Variants in SERBP1 observed in about 807,000 individuals in gnomAD.
SERBP1 encodes the protein SERPINE1 mRNA binding protein 1.
Under a neutral mutation model 50.2 loss-of-function variants are expected in SERBP1, and 6 were observed. That is an observed-to-expected ratio of 0.12 (90% CI 0.07 to 0.24). The LOEUF (loss-of-function observed/expected upper bound fraction) is 0.24. SERBP1 is among the 10% of genes least tolerant of loss of function. SERBP1 has a pLI of 1.00. For synonymous variants in SERBP1, 168 were observed against 182.8 expected, an observed-to-expected ratio of 0.92 and a Z score of 0.65; for missense variants, 346 against 524.9, an observed-to-expected ratio of 0.66 and a Z score of 3.33.
Position 67,413,126 on chromosome 1 carries a change from A to G in SERBP1, c.*81T>C, listed in dbSNP as rs1243009466. 1.1e-5 allele frequency: 15 copies of G among 1,410,752 alleles called. No homozygotes were observed. Among genetic ancestry groups the G allele is most frequent in the Admixed American group, 9.2e-5 (3 of 32,636 alleles). The allele number at this position is 1,410,752 out of a possible 1,614,324, so 87.4% of individuals were successfully genotyped here. A position where few individuals can be genotyped will look rare whatever the true frequency, so the allele number is the denominator to read the frequency against. ...ACAGTCTTTTTTTTTTTAATTTCTT[A>G]GTCGTTTGGAATCCTTAAGCATGCA... On this transcript the variant is annotated 3_prime_UTR_variant, in exon 8 of 8. Transcript: ENST00000361219.
chr1:67,413,809 T>G (rs1666919142), intron 7 of SERBP1, among the ~76,000 whole-genome samples: 1 of 151,890 alleles, frequency 6.6e-6, no homozygotes, highest in African/African-American at 2.4e-5. Context: ...GGTTGTTTTC[T>G]TTTTCTCTTT....
At chr1:67,429,935 C>CCCT in intron 1 of SERBP1, 53 bp downstream of exon 1, 1 of 1,514,002 alleles carries the variant, frequency 6.6e-7, no homozygotes, top group South Asian at 1.3e-5. Flanking sequence ...GCCGGCAGCC[C>CCCT]CCTCGCTCCT....
chr1:67,424,478 T>C, intron 4 of SERBP1: 1 of 589,508 alleles, frequency 1.7e-6, no homozygotes, highest in Non-Finnish European at 2.9e-6. Context: ...TATAAACTAG[T>C]TAGTTCATAT....
intron 7 of SERBP1, among the ~76,000 whole-genome samples, chr1:67,413,490 A>T (rs1357616895): frequency 3.3e-5 from 5 of 152,024 alleles, no homozygotes; most frequent in Admixed American, 3.3e-4. Context: ...CTGTACTAAA[A>T]ATATAAACAA....
intron 1 of SERBP1, among the ~76,000 whole-genome samples, chr1:67,428,635 T>C (rs1170690569): frequency 1.3e-5 from 2 of 151,604 alleles, no homozygotes; most frequent in African/African-American, 2.4e-5. Flanking sequence ...ACTCCAACTG[T>C]ATTTTTCCTC....
At chr1:67,428,615 G>A (rs1667463010) in intron 1 of SERBP1, among the ~76,000 whole-genome samples, 1 of 151,760 alleles carries the variant, frequency 6.6e-6, no homozygotes, top group Non-Finnish European at 1.5e-5. Context: ...TGATATACAT[G>A]CTTTCTAATA....
At chr1:67,413,470 G>GAA (rs1666904207) in intron 7 of SERBP1, among the ~76,000 whole-genome samples, 1 of 152,054 alleles carries the variant, frequency 6.6e-6, no homozygotes, top group Admixed American at 6.6e-5. Flanking sequence ...CCAACATGGT[G>GAA]AAATCCTGTC....
chr1:67,412,509 T>C lies in SERBP1; in HGVS notation c.*698A>G, dbSNP rs1031605133. 3 of 152,658 alleles carry C rather than the reference T, an allele frequency of 2.0e-5. No individual in the cohort carries two copies. Among genetic ancestry groups the C allele is most frequent in the African/African-American group, 7.2e-5 (3 of 41,462 alleles). 9.5% of individuals were successfully genotyped at this position (152,658 alleles called of 1,614,324 possible). On this transcript the variant is annotated 3_prime_UTR_variant, in exon 8 of 8. Coordinates refer to ENST00000361219, the MANE Select transcript of SERBP1 (RefSeq NM_001018069.2). ...GCTGAAAATGTAAATCAGTTATAAT[T>C]TGAACCTAATGAGCCATGCAAGGAG...
intron 2 of SERBP1, among the ~76,000 whole-genome samples, chr1:67,425,866 C>T (rs893572547): frequency 6.6e-6 from 1 of 152,150 alleles, no homozygotes; most frequent in Non-Finnish European, 1.5e-5. Context: ...CTTTGGTTTA[C>T]GCCTGTAATC....
intron 1 of SERBP1, among the ~76,000 whole-genome samples, chr1:67,429,266 G>A (rs775475817): frequency 2.0e-5 from 3 of 152,166 alleles, no homozygotes; most frequent in African/African-American, 4.8e-5. Flanking sequence ...GACGTTCCTC[G>A]GGATGTCCTG....
intron 1 of SERBP1, 142 bp from the exon 2 acceptor site, chr1:67,426,427 T>A: frequency 1.5e-6 from 1 of 667,952 alleles, no homozygotes; most frequent in Non-Finnish European, 2.3e-6. Context: ...CTCTAATGTG[T>A]AACAAAGTAC....
intron 5 of SERBP1, among the ~76,000 whole-genome samples, chr1:67,421,637 T>C (rs915636070): frequency 6.6e-6 from 1 of 152,236 alleles, no homozygotes; most frequent in Admixed American, 6.5e-5. Context: ...TGCATATCAC[T>C]GAGTGATTGA....
intron 6 of SERBP1, 83 bp downstream of exon 6, chr1:67,419,926 C>T: frequency 8.3e-7 from 1 of 1,202,992 alleles, no homozygotes; most frequent in Non-Finnish European, 1.2e-6. Context: ...ACAAATAACC[C>T]ATGTGAAATT....
At position 67,424,384 on chromosome 1, in the gene SERBP1, C is replaced by T. The variant is rs546745194; in HGVS notation, c.696-107G>A. On this transcript the variant is annotated intron_variant, in intron 4 of 7. Transcript: ENST00000361219. ...ATTTACATGTAGCTGAAAAGTTCTT[C>T]ATACAAAAATACCATAAGCTCTCAC... 117 of 1,440,466 alleles carry T rather than the reference C, an allele frequency of 8.1e-5. 1 individual carries two copies. Among genetic ancestry groups the T allele is most frequent in the Non-Finnish European group, 2.8e-6 (3 of 1,070,584 alleles). The allele number at this position is 1,440,466 out of a possible 1,614,324, so 89.2% of individuals were successfully genotyped here. A position where few individuals can be genotyped will look rare whatever the true frequency, so the allele number is the denominator to read the frequency against.
In SERBP1 at chr1:67,415,224, C is replaced by A; in HGVS notation, c.1067G>T (p.Gly356Val). 6.2e-7 allele frequency: 1 copy of A among 1,613,050 alleles called. No individual in the cohort carries two copies. The highest frequency in any genetic ancestry group is 1.3e-5 in the African/African-American group (1 of 74,994). Residue 356 changes from glycine (G) to valine (V), a missense_variant, in exon 7 of 8, where the codon GGA becomes GTA. Around this residue, in one of 5 missense-constraint regions of SERBP1, gnomAD observed 68 missense variants for 97.3 expected, o/e 0.70. Coordinates refer to ENST00000361219, the MANE Select transcript of SERBP1 (RefSeq NM_001018069.2). ...DLGRPGRGGR[G>V]GRGGRGRGGR... The stretch of plus-strand genomic sequence containing the variant: ...ACCACGCCCACGTCCACCTCGTCCT[C>A]CCCTGCCGCCACGTCCTGGGCGGCC...
intron 1 of SERBP1, among the ~76,000 whole-genome samples, chr1:67,426,911 A>T (rs1428719028): frequency 6.6e-6 from 1 of 152,194 alleles, no homozygotes; most frequent in Non-Finnish European, 1.5e-5. Context: ...TTCAGTTTAA[A>T]ACAGCCATTT....
intron 5 of SERBP1, 195 bp from the exon 6 acceptor site, chr1:67,420,381 G>C (rs567455639): frequency 2.0e-6 from 1 of 510,184 alleles, no homozygotes; most frequent in South Asian, 3.3e-5. Context: ...TTGCTAATTA[G>C]AGACAAGTAA....
chr1:67,421,890 A>G (rs1033677769), intron 5 of SERBP1, among the ~76,000 whole-genome samples: 1 of 152,010 alleles, frequency 6.6e-6, no homozygotes, highest in Non-Finnish European at 1.5e-5. Context: ...GAATGGCCAA[A>G]ATCGCGCCAC....
At chr1:67,416,827 A>G (rs939431696) in intron 6 of SERBP1, among the ~76,000 whole-genome samples, 2 of 152,356 alleles carry the variant, frequency 1.3e-5, no homozygotes, top group Admixed American at 1.3e-4. Flanking sequence ...CAAATTCACA[A>G]AACACCAGCA....
Sources: allele counts gnomAD v4.1 joint callset (sites outside exome capture counted in the v4.1 genomes callset), GRCh38; gene constraint gnomAD v4.1.1; regional missense constraint gnomAD v4.1.1; transcripts MANE v1.5; gene names NCBI Gene and HGNC (gene_info 2026-07-23, HGNC 2026-07-21).